Variants in PKNOX2 observed in about 807,000 individuals in gnomAD.
PKNOX2 encodes the protein PBX/knotted 1 homeobox 2.
In PKNOX2, 14 loss-of-function variants were observed where a neutral mutation model predicts 53.1. That is an observed-to-expected ratio of 0.26 (90% CI 0.17 to 0.41). The LOEUF is 0.41. Among genes scored for constraint, PKNOX2 ranks in the 10% least tolerant of loss-of-function variants. The pLI, the probability that PKNOX2 is intolerant of heterozygous loss-of-function variation, is 1.00. For missense variants in PKNOX2, 496 were observed against 602.8 expected, an observed-to-expected ratio of 0.82 and a Z score of 1.85; for synonymous variants, 257 against 242.8, an observed-to-expected ratio of 1.06 and a Z score of -0.54.
chr11:125,183,377 C>T lies in PKNOX2; in HGVS notation c.-201+18601C>T, dbSNP rs1424143071. ...GACTACAGGCGCCCGCCACCGCGCC[C>T]GGCTAATTTTTTGTATTTTTAGTAG... is the stretch of plus-strand genomic sequence containing the variant. On this transcript the variant is annotated intron_variant, in intron 1 of 12. Coordinates refer to ENST00000298282, the MANE Select transcript of PKNOX2 (RefSeq NM_001382323.2). 5.6e-5 allele frequency among the ~76,000 whole-genome samples: 4 copies of T among 71,274 alleles called. 1 individual carries two copies. Among genetic ancestry groups the T allele is most frequent in the African/African-American group, 1.0e-4 (2 of 19,854 alleles). 46.8% of individuals were successfully genotyped at this position (71,274 alleles called of 152,430 possible).
At chr11:125,189,738 C>T (rs1956754672) in intron 1 of PKNOX2, among the ~76,000 whole-genome samples, 1 of 151,788 alleles carries the variant, frequency 6.6e-6, no homozygotes, top group African/African-American at 2.4e-5. Flanking sequence ...CTTTCTTCCA[C>T]CATCCTCCCA....
chr11:125,183,704 A>G (rs1446228576), intron 1 of PKNOX2, among the ~76,000 whole-genome samples: 1 of 151,270 alleles, frequency 6.6e-6, no homozygotes, highest in Non-Finnish European at 1.5e-5. Context: ...GATAAACACC[A>G]TTTCTAAAGA....
At chr11:125,380,889 G>C (rs1953173920) in intron 5 of PKNOX2, among the ~76,000 whole-genome samples, 1 of 152,212 alleles carries the variant, frequency 6.6e-6, no homozygotes. Flanking sequence ...ATGCTTTAGG[G>C]GGTGATGTTG....
At chr11:125,423,621 A>T (rs1956274908) in intron 10 of PKNOX2, among the ~76,000 whole-genome samples, 1 of 152,228 alleles carries the variant, frequency 6.6e-6, no homozygotes. Context: ...GTAGGGTTGA[A>T]AAGAAAGACA....
At chr11:125,364,543 G>A (rs896362926) in intron 4 of PKNOX2, among the ~76,000 whole-genome samples, 7 of 152,142 alleles carry the variant, frequency 4.6e-5, no homozygotes, top group Non-Finnish European at 8.8e-5. Flanking sequence ...AACAGAAGCC[G>A]CTTGTGGATT....
intron 1 of PKNOX2, among the ~76,000 whole-genome samples, chr11:125,227,978 G>C (rs1261101724): frequency 1.3e-5 from 2 of 152,172 alleles, no homozygotes; most frequent in Admixed American, 1.3e-4. Context: ...CTCCACTGCT[G>C]GTCCTGGCTG....
At chr11:125,237,767 A>C (rs930802525) in intron 2 of PKNOX2, among the ~76,000 whole-genome samples, 2 of 152,084 alleles carry the variant, frequency 1.3e-5, no homozygotes, top group Admixed American at 6.5e-5. Context: ...TCTCAACAAG[A>C]GTGAGTTGAG....
rs1050645577 is a variant in PKNOX2, at chr11:125,431,718, G to A, written c.*326G>A. The A allele has an allele frequency of 2.3e-5, 8 of 343,366 alleles. No homozygotes were observed. The highest frequency in any genetic ancestry group is 8.7e-4 in the Middle Eastern group (1 of 1,150). The allele number at this position is 343,366 out of a possible 1,614,324, so 21.3% of individuals were successfully genotyped here. A position where few individuals can be genotyped will look rare whatever the true frequency, so the allele number is the denominator to read the frequency against. ...GATGGCACCCATGGCCCCCACCCAC[G>A]GAAGGACTTGAGTTGTTTACAAGCC... On this transcript the variant is annotated 3_prime_UTR_variant, in exon 13 of 13. Transcript: ENST00000298282.
intron 6 of PKNOX2, among the ~76,000 whole-genome samples, chr11:125,395,770 G>A (rs1485911377): frequency 6.6e-6 from 1 of 151,938 alleles, no homozygotes; most frequent in African/African-American, 2.4e-5. Flanking sequence ...TTCTAATTGG[G>A]TTGCTTGTTA....
intron 6 of PKNOX2, among the ~76,000 whole-genome samples, chr11:125,390,149 T>C (rs1269988936): frequency 6.6e-6 from 1 of 152,230 alleles, no homozygotes; most frequent in Non-Finnish European, 1.5e-5. Context: ...ATAATGAACA[T>C]TTATAGAGCA....
chr11:125,255,790 G>C (rs1944365352), intron 2 of PKNOX2, among the ~76,000 whole-genome samples: 1 of 152,006 alleles, frequency 6.6e-6, no homozygotes, highest in Admixed American at 6.6e-5. Context: ...GTTCTGGAGA[G>C]ACTCTGCCCA....
At chr11:125,409,968 G>A (rs921563272) in intron 7 of PKNOX2, 2 of 490,876 alleles carry the variant, frequency 4.1e-6, no homozygotes, top group African/African-American at 1.9e-5. Flanking sequence ...TCAGGGCAAT[G>A]GAATGGTTAA....
At chr11:125,254,026 T>G (rs569617383) in intron 2 of PKNOX2, among the ~76,000 whole-genome samples, 181 of 152,250 alleles carry the variant, frequency 1.2e-3, no homozygotes, top group African/African-American at 3.2e-3. Flanking sequence ...GAGGTTCTTA[T>G]GTAACACCAG....
intron 2 of PKNOX2, among the ~76,000 whole-genome samples, chr11:125,276,102 C>T (rs75211433): frequency 2.6e-5 from 4 of 152,158 alleles, no homozygotes; most frequent in African/African-American, 7.2e-5. Context: ...AGCAATTGAC[C>T]TGCTGTGCCA....
chr11:125,406,918 A>T (rs7930917), intron 7 of PKNOX2, among the ~76,000 whole-genome samples: 168 of 7,250 alleles, frequency 0.023, 1 homozygote, highest in African/African-American at 0.13. Flanking sequence ...ATCTATGTCT[A>T]AAAAAAAAAA....
chr11:125,383,616 A>C (rs940990298), intron 5 of PKNOX2, among the ~76,000 whole-genome samples: 1 of 152,110 alleles, frequency 6.6e-6, no homozygotes, highest in South Asian at 2.1e-4. Context: ...GACTGTCAAA[A>C]AAACAAACAA....
At chr11:125,408,050 A>G (rs991052967) in intron 7 of PKNOX2, among the ~76,000 whole-genome samples, 1 of 152,192 alleles carries the variant, frequency 6.6e-6, no homozygotes, top group Admixed American at 6.5e-5. Flanking sequence ...TGCAATGATG[A>G]TTGGTTGACC....
chr11:125,241,651 T>G (rs1396977883), intron 2 of PKNOX2, among the ~76,000 whole-genome samples: 2 of 152,162 alleles, frequency 1.3e-5, no homozygotes, highest in African/African-American at 4.8e-5. Context: ...GGTCAGGAGT[T>G]CGAGACCAGA....
At chr11:125,270,713 A>T (rs528495593) in intron 2 of PKNOX2, among the ~76,000 whole-genome samples, 1 of 152,206 alleles carries the variant, frequency 6.6e-6, no homozygotes, top group Non-Finnish European at 1.5e-5. Context: ...CACTGAGGAG[A>T]AAATTTAAAC....
Sources: allele counts gnomAD v4.1 joint callset (sites outside exome capture counted in the v4.1 genomes callset), GRCh38; gene constraint gnomAD v4.1.1; transcripts MANE v1.5; gene names NCBI Gene and HGNC (gene_info 2026-07-23, HGNC 2026-07-21).